SLC13A4: variants seen among roughly 807,000 people sequenced by gnomAD.
SLC13A4 encodes solute carrier family 13 member 4, also known as Na(+)/sulfate cotransporter SUT-1.
A neutral mutation model predicts 72.7 loss-of-function variants in SLC13A4; 28 were observed. The observed-to-expected ratio is 0.39, with a 90% CI of 0.29 to 0.53. SLC13A4 has a LOEUF of 0.53. SLC13A4 is among the 20% of genes least tolerant of loss of function. The pLI, the probability that SLC13A4 is intolerant of heterozygous loss-of-function variation, is 0.78. For missense variants in SLC13A4, 653 were observed against 788.0 expected (o/e 0.83, Z 2.05); for synonymous variants, 312 against 325.5 (o/e 0.96, Z 0.45).
At chr7:135,715,755 G>C (rs918521901) in intron 2 of SLC13A4, among the ~76,000 whole-genome samples, 5 of 152,160 alleles carry the variant, frequency 3.3e-5, no homozygotes, top group Admixed American at 3.3e-4. Context: ...TCATGCCCAG[G>C]CTATAAACTT....
At chr7:135,694,696 G>A (rs1045829981) in intron 9 of SLC13A4, among the ~76,000 whole-genome samples, 2 of 152,188 alleles carry the variant, frequency 1.3e-5, no homozygotes, top group East Asian at 1.9e-4. Flanking sequence ...AAACATCTGC[G>A]TATATGGAAC....
At chr7:135,721,142 G>A (rs2129495443) in intron 2 of SLC13A4, among the ~76,000 whole-genome samples, 1 of 152,350 alleles carries the variant, frequency 6.6e-6, no homozygotes, top group Admixed American at 6.5e-5. Flanking sequence ...GCAACTGGAT[G>A]TGTTTAATCA....
intron 2 of SLC13A4, among the ~76,000 whole-genome samples, chr7:135,716,559 T>C (rs4236658): frequency 0.69 from 105,717 of 152,148 alleles, 36,992 homozygotes; most frequent in African/African-American, 0.77. Flanking sequence ...GTGATCCGCC[T>C]GCCTTGGCCT....
intron 11 of SLC13A4, 181 bp downstream of exon 11, chr7:135,692,142 G>C (rs777685577): frequency 1.1e-5 from 7 of 611,120 alleles, no homozygotes; most frequent in South Asian, 2.0e-5. Flanking sequence ...TCCAACCCCA[G>C]ACCGGGACTC....
chr7:135,700,943 T>A (rs191491038), intron 7 of SLC13A4, among the ~76,000 whole-genome samples: 79 of 152,330 alleles, frequency 5.2e-4, no homozygotes, highest in African/African-American at 1.9e-3. Context: ...CTGGCATGCA[T>A]CCAATTTTGT....
chr7:135,684,248 T>C lies in SLC13A4; in HGVS notation c.1622A>G (p.His541Arg). The change falls in exon 15 of 16, where the codon CAC (histidine) becomes CGC (arginine). Residue 541 changes from histidine to arginine, a missense_variant. His to Arg is a conservative substitution (Grantham distance 29). Coordinates refer to ENST00000682651, the MANE Select transcript of SLC13A4 (RefSeq NM_001318192.2). ...PILCSLSETL[H>R]INPLYTLIPV... ...GATCAGGGTGTAGAGGGGGTTAATGTGCAGCGTTTCAGACTAGAAGAGAGA... is the reference window on the plus strand; with the variant it reads ...GATCAGGGTGTAGAGGGGGTTAATGCGCAGCGTTTCAGACTAGAAGAGAGA... 4 of 1,607,268 alleles carry C rather than the reference T, an allele frequency of 2.5e-6. No individual in the cohort carries two copies. In the South Asian group the frequency reaches 4.4e-5, roughly 18 times the overall value.
chr7:135,695,649 T>C (rs1179845884), intron 8 of SLC13A4, among the ~76,000 whole-genome samples, 162 bp from the exon 9 acceptor site: 3 of 152,122 alleles, frequency 2.0e-5, no homozygotes, highest in Non-Finnish European at 4.4e-5. Flanking sequence ...TAGTTGACAG[T>C]TGCAATTGTA....
At chr7:135,698,977 A>G (rs902755647) in intron 8 of SLC13A4, among the ~76,000 whole-genome samples, 3 of 151,826 alleles carry the variant, frequency 2.0e-5, no homozygotes, top group Admixed American at 6.6e-5. Flanking sequence ...GTCTTGCTCT[A>G]TCGCTCAGGC....
Position 135,691,237 on chromosome 7 carries a change from C to G in SLC13A4, c.1410G>C (p.Leu470=). ...AAGCCAGAGCATAGCCTCCCCCAACCAGAATGACAATCTCCCAGGGCATGG... is the reference window on the plus strand; with the variant it reads ...AAGCCAGAGCATAGCCTCCCCCAACGAGAATGACAATCTCCCAGGGCATGG... ...QKTMPWEIVI[L]VGGGYALASG... Residue 470 remains leucine (L), a synonymous_variant, in exon 13 of 16, where the codon CTG becomes CTC. Coordinates refer to ENST00000682651, the MANE Select transcript of SLC13A4 (RefSeq NM_001318192.2). 1.2e-6 allele frequency: 2 copies of G among 1,612,850 alleles called. No individual in the cohort carries two copies. Among genetic ancestry groups the G allele is most frequent in the Non-Finnish European group, 1.7e-6 (2 of 1,179,602 alleles).
At chr7:135,705,237 G>A in intron 5 of SLC13A4, 1 of 203,602 alleles carries the variant, frequency 4.9e-6, no homozygotes, top group Admixed American at 5.3e-5. Context: ...GATGTGAACG[G>A]TTTTCCGTTA....
At chr7:135,690,562 C>T (rs911826211) in intron 13 of SLC13A4, among the ~76,000 whole-genome samples, 1 of 152,198 alleles carries the variant, frequency 6.6e-6, no homozygotes, top group South Asian at 2.1e-4. Flanking sequence ...TCTCCTGTTA[C>T]CATCTCCTAT....
At chr7:135,703,332 CT>C (rs571257418) in intron 5 of SLC13A4, 123 of 169,206 alleles carry the variant, frequency 7.3e-4, no homozygotes, top group African/African-American at 2.7e-3. Context: ...CCTATGCCCC[CT>C]GACCATGTTC....
Position 135,695,363 on chromosome 7 carries a change from C to T in SLC13A4, c.1019+5G>A, listed in dbSNP as rs772336286. 22 of 1,613,750 alleles carry T rather than the reference C, an allele frequency of 1.4e-5. No individual in the cohort carries two copies. Among genetic ancestry groups the T allele is most frequent in the Non-Finnish European group, 8.5e-7 (1 of 1,179,868 alleles). On this transcript the variant is annotated splice_donor_5th_base_variant and intron_variant, in intron 9 of 15. Transcript: ENST00000682651. ...GTGCTTTGCTGAAAGGGCCCTGGAA[C>T]TCACTTGCAGCCCAGGAACAGCCAG...
chr7:135,706,610 T>A (rs1796167800), intron 3 of SLC13A4, among the ~76,000 whole-genome samples: 1 of 152,236 alleles, frequency 6.6e-6, no homozygotes, highest in Non-Finnish European at 1.5e-5. Context: ...CCATTGTTTT[T>A]CTGTCTCCAC....
Position 135,691,341 on chromosome 7 carries a change from A to T in SLC13A4, c.1322-16T>A. On this transcript the variant is annotated splice_polypyrimidine_tract_variant and intron_variant, in intron 12 of 15. Transcript: ENST00000682651. ...TGGTTCTCTCCTGGATTAGAGAGAG[A>T]TGTAAAGCCAGATAAACCCTGATGG... 1.3e-6 allele frequency: 2 copies of T among 1,564,576 alleles called. No homozygotes were observed. The highest frequency in any genetic ancestry group is 1.4e-5 in the African/African-American group (1 of 72,910).
intron 9 of SLC13A4, 48 bp from the exon 10 acceptor site, chr7:135,694,286 GC>G: frequency 8.6e-7 from 1 of 1,167,946 alleles, no homozygotes; most frequent in South Asian, 1.3e-5. Context: ...CACTTCTGAG[GC>G]CCAGAGATCA....
chr7:135,721,312 G>T, intron 2 of SLC13A4, 83 bp downstream of exon 2: 1 of 1,530,572 alleles, frequency 6.5e-7, no homozygotes, highest in African/African-American at 1.4e-5. Flanking sequence ...GTCAAGTGCT[G>T]GGTGAATCTC....
At chr7:135,701,645 G>T in intron 7 of SLC13A4, 35 bp downstream of exon 7, 1 of 1,599,274 alleles carries the variant, frequency 6.3e-7, no homozygotes, top group Non-Finnish European at 8.6e-7. Context: ...AGCGTTTCAT[G>T]TAGGAAACAG....
At chr7:135,695,339 T>G in intron 9 of SLC13A4, 29 bp downstream of exon 9, 1 of 1,613,004 alleles carries the variant, frequency 6.2e-7, no homozygotes, top group Non-Finnish European at 8.5e-7. Context: ...GGGGCTTCAG[T>G]GCTTTGCTGA....
Sources: gnomAD v4.1 joint callset for allele counts (sites outside exome capture counted in the v4.1 genomes callset) on GRCh38, gnomAD v4.1.1 for gene constraint, MANE v1.5 for transcripts, NCBI Gene and HGNC (gene_info 2026-07-23, HGNC 2026-07-21) for gene names.